ITGBL1: variants seen among roughly 807,000 people sequenced by gnomAD.
ITGBL1 encodes integrin beta-like protein 1.
ITGBL1 carries 51 observed loss-of-function variants against 68.5 expected under a neutral mutation model. That is an observed-to-expected ratio of 0.74 (90% confidence interval 0.59 to 0.94). The LOEUF (loss-of-function observed/expected upper bound fraction) is 0.94, where lower values mean the gene tolerates loss of function less well. ITGBL1 is among the 40% of genes least tolerant of loss of function. The probability of loss-of-function intolerance (pLI) is 0.00; values close to 1 mark genes in which losing one functional copy is unlikely to be tolerated. For missense variants in ITGBL1, 649 were observed against 647.4 expected (o/e 1.00, Z -0.03); for synonymous variants, 209 against 227.3 (o/e 0.92, Z 0.72).
intron 7 of ITGBL1, among the ~76,000 whole-genome samples, chr13:101,610,763 C>T (rs1434680688): frequency 6.6e-6 from 1 of 152,010 alleles, no homozygotes; most frequent in African/African-American, 2.4e-5. Flanking sequence ...AAACCTGCTA[C>T]CCCTGAGCTA....
chr13:101,467,277 A>G (rs1285134635), intron 2 of ITGBL1, among the ~76,000 whole-genome samples: 1 of 152,274 alleles, frequency 6.6e-6, no homozygotes, highest in Non-Finnish European at 1.5e-5. Context: ...TGGGACGGGG[A>G]TATTGAAGCC....
At chr13:101,710,465 G>A (rs1307536072) in intron 9 of ITGBL1, among the ~76,000 whole-genome samples, 2 of 152,144 alleles carry the variant, frequency 1.3e-5, no homozygotes, top group Non-Finnish European at 2.9e-5. Context: ...AACCCACCCT[G>A]AGAACCACAG....
At chr13:101,568,303 G>C (rs1192631413) in intron 3 of ITGBL1, among the ~76,000 whole-genome samples, 2 of 152,072 alleles carry the variant, frequency 1.3e-5, no homozygotes, top group Non-Finnish European at 2.9e-5. Flanking sequence ...GTCACAGAAA[G>C]ATTTTTTGTT....
intron 2 of ITGBL1, among the ~76,000 whole-genome samples, chr13:101,555,062 G>A (rs2049983236): frequency 6.6e-6 from 1 of 152,062 alleles, no homozygotes; most frequent in African/African-American, 2.4e-5. Context: ...GACTGTTTCT[G>A]ACATATGTTT....
At chr13:101,593,522 G>A (rs2050692795) in intron 6 of ITGBL1, among the ~76,000 whole-genome samples, 1 of 151,920 alleles carries the variant, frequency 6.6e-6, no homozygotes, top group South Asian at 2.1e-4. Flanking sequence ...ATCAACCCAA[G>A]TGGCCATTAA....
chr13:101,628,254 G>C (rs1178990531), intron 7 of ITGBL1, among the ~76,000 whole-genome samples: 1 of 151,976 alleles, frequency 6.6e-6, no homozygotes, highest in Non-Finnish European at 1.5e-5. Flanking sequence ...TCTTTAATAA[G>C]GCATCTGTTA....
intron 2 of ITGBL1, among the ~76,000 whole-genome samples, chr13:101,559,341 A>G (rs565529611): frequency 5.3e-5 from 8 of 152,206 alleles, no homozygotes; most frequent in Non-Finnish European, 1.0e-4. Flanking sequence ...TCTTGGGGCT[A>G]TTCAATCCAA....
chr13:101,537,411 A>G (rs1443061535), intron 2 of ITGBL1, among the ~76,000 whole-genome samples: 1 of 152,072 alleles, frequency 6.6e-6, no homozygotes, highest in Non-Finnish European at 1.5e-5. Flanking sequence ...CTTTAGAAAA[A>G]TATAACATTT....
chr13:101,573,007 C>CA (rs1232611703), intron 3 of ITGBL1, among the ~76,000 whole-genome samples: 1 of 152,006 alleles, frequency 6.6e-6, no homozygotes, highest in East Asian at 1.9e-4. Context: ...AAATGCTATA[C>CA]AAAATGTATT....
rs1257949138 is a variant in ITGBL1 at position 101,575,472 on chromosome 13, G to T, written c.512G>T (p.Gly171Val). Residue 171 changes from glycine to valine, a missense_variant, in exon 4 of 11, where the codon GGA becomes GTA. Physicochemically the swap from Gly to Val is moderately radical, Grantham distance 109. Transcript: ENST00000376180. ...AAGTGTGATAATTCAGATGGAAGTG[G>T]ACTTGTGTATGGTAAATTTTGTGAG... is the stretch of plus-strand genomic sequence containing the variant. ...RCKCDNSDGS[G>V]LVYGKFCECD... The T allele has an allele frequency of 6.2e-7, 1 of 1,612,958 alleles. No homozygotes were observed. Among genetic ancestry groups the T allele is most frequent in the South Asian group, 1.1e-5 (1 of 91,052 alleles).
At chr13:101,471,365 T>A (rs1181318946) in intron 2 of ITGBL1, among the ~76,000 whole-genome samples, 1 of 152,184 alleles carries the variant, frequency 6.6e-6, no homozygotes, top group African/African-American at 2.4e-5. Flanking sequence ...TCACTATGAT[T>A]AAATTATATA....
At chr13:101,545,045 C>T (rs2049793936) in intron 2 of ITGBL1, among the ~76,000 whole-genome samples, 1 of 152,182 alleles carries the variant, frequency 6.6e-6, no homozygotes, top group Admixed American at 6.5e-5. Context: ...ACTCGGTGCG[C>T]TGCACCCACT....
At chr13:101,453,312 A>G (rs1173627206) in intron 1 of ITGBL1, among the ~76,000 whole-genome samples, 1 of 152,196 alleles carries the variant, frequency 6.6e-6, no homozygotes, top group Non-Finnish European at 1.5e-5. Flanking sequence ...ATCCTGAAAG[A>G]GACTGAGTGA....
At chr13:101,525,097 G>C (rs914078931) in intron 2 of ITGBL1, among the ~76,000 whole-genome samples, 1 of 151,852 alleles carries the variant, frequency 6.6e-6, no homozygotes, top group Non-Finnish European at 1.5e-5. Flanking sequence ...TCTTCATAAG[G>C]GTGCTCAATG....
chr13:101,573,013 G>A (rs1047137063), intron 3 of ITGBL1, among the ~76,000 whole-genome samples: 2 of 152,090 alleles, frequency 1.3e-5, no homozygotes, highest in Non-Finnish European at 2.9e-5. Flanking sequence ...TATACAAAAT[G>A]TATTAATAGG....
At chr13:101,545,912 A>G (rs928823136) in intron 2 of ITGBL1, among the ~76,000 whole-genome samples, 2 of 152,232 alleles carry the variant, frequency 1.3e-5, no homozygotes, top group Admixed American at 6.5e-5. Context: ...TATGACAACT[A>G]CTGAAGGCAA....
At chr13:101,646,302 T>A (rs942542085) in intron 7 of ITGBL1, among the ~76,000 whole-genome samples, 1 of 149,838 alleles carries the variant, frequency 6.7e-6, no homozygotes, top group Non-Finnish European at 1.5e-5. Context: ...TATTTTACCT[T>A]GTTGTATTTC....
intron 2 of ITGBL1, among the ~76,000 whole-genome samples, chr13:101,466,990 C>A (rs2048390552): frequency 6.6e-6 from 1 of 152,140 alleles, no homozygotes. Flanking sequence ...AAGGTGCCAA[C>A]AGATTCAGTG....
rs114498863 is a variant in ITGBL1 at position 101,465,365 on chromosome 13, G to A, written c.316+11265G>A. On this transcript the variant is annotated intron_variant, in intron 2 of 10. Coordinates refer to ENST00000376180, the MANE Select transcript of ITGBL1 (RefSeq NM_004791.3). ...ATTCTCTTATAGCTGTCCTCTGAAA[G>A]ACATAGTCTTAAAAATATAAAACTA... Among the ~76,000 whole-genome samples, 445 of 152,226 alleles carry A rather than the reference G, an allele frequency of 2.9e-3. 1 individual carries two copies. Among genetic ancestry groups the A allele is most frequent in the African/African-American group, 0.01 (420 of 41,550 alleles).
Sources: gnomAD v4.1 joint callset for allele counts (sites outside exome capture counted in the v4.1 genomes callset) on GRCh38, gnomAD v4.1.1 for gene constraint, MANE v1.5 for transcripts, NCBI Gene and HGNC (gene_info 2026-07-23, HGNC 2026-07-21) for gene names.